Variants in CNTN6 observed in about 807,000 individuals in gnomAD.
CNTN6 encodes contactin 6.
In CNTN6, 137 loss-of-function variants were observed where a neutral mutation model predicts 122.8. The ratio of observed to expected loss-of-function variants is 1.12; its 90% CI spans 0.97 to 1.29. The LOEUF is 1.29. CNTN6 is among the 50% of genes most tolerant of loss of function. The pLI is 0.00. For missense variants in CNTN6, 1,634 were observed against 1,223.4 expected, an observed-to-expected ratio of 1.34 and a Z score of -5.01; for synonymous variants, 570 against 426.0, an observed-to-expected ratio of 1.34 and a Z score of -4.16.
At chr3:1,245,262 T>TA (rs1338560728) in intron 4 of CNTN6, among the ~76,000 whole-genome samples, 1 of 5,744 alleles carries the variant, frequency 1.7e-4, no homozygotes, top group African/African-American at 6.1e-4. Flanking sequence ...ATATAACATA[T>TA]ATATATATAT....
rs1168930119 is a variant in CNTN6, at chr3:1,181,089, A to G, written c.55+33026A>G. On this transcript the variant is annotated intron_variant, in intron 2 of 22. Transcript: ENST00000446702. ...AAAATTGTGAATTTCGGCAAAGGCA[A>G]CAGTCCCTGCCTAGTGTATGACCTT... Among the ~76,000 whole-genome samples, 10 of 152,284 alleles carry G rather than the reference A, an allele frequency of 6.6e-5. 1 individual carries two copies. The South Asian group carries it at 2.1e-3, about 32-fold the overall frequency.
chr3:1,342,767 T>C (rs554127680), intron 11 of CNTN6, among the ~76,000 whole-genome samples: 2 of 152,310 alleles, frequency 1.3e-5, no homozygotes, highest in South Asian at 2.1e-4. Flanking sequence ...GCTTGTATTA[T>C]ACCCTTTAGT....
At chr3:1,393,984 C>T (rs1340019990) in intron 20 of CNTN6, among the ~76,000 whole-genome samples, 3 of 152,008 alleles carry the variant, frequency 2.0e-5, no homozygotes, top group Non-Finnish European at 2.9e-5. Flanking sequence ...GAAGCACCTT[C>T]TTCCCTGCTA....
At chr3:1,249,932 G>GTTTTGTTTTTTTGTTGTT (rs2094637165) in intron 4 of CNTN6, among the ~76,000 whole-genome samples, 1 of 151,870 alleles carries the variant, frequency 6.6e-6, no homozygotes, top group East Asian at 1.9e-4. Context: ...TGTTGTTTCT[G>GTTTTGTTTTTTTGTTGTT]TTTTGTTTTT....
At chr3:1,313,461 T>C (rs976182937) in intron 7 of CNTN6, among the ~76,000 whole-genome samples, 1 of 152,166 alleles carries the variant, frequency 6.6e-6, no homozygotes, top group African/African-American at 2.4e-5. Context: ...GAATGTACTC[T>C]CATGGATATT....
At chr3:1,278,628 C>T in intron 5 of CNTN6, 120 bp downstream of exon 5, 2 of 599,512 alleles carry the variant, frequency 3.3e-6, no homozygotes, top group Non-Finnish European at 5.9e-6. Flanking sequence ...TGACTCTCGT[C>T]AAGTGCATCT....
intron 11 of CNTN6, among the ~76,000 whole-genome samples, chr3:1,340,087 A>G (rs988898597): frequency 6.6e-6 from 1 of 152,120 alleles, no homozygotes; most frequent in Admixed American, 6.6e-5. Context: ...AGATGAGTAA[A>G]ACTAAGGCTT....
At chr3:1,240,496 T>G (rs1164997874) in intron 4 of CNTN6, among the ~76,000 whole-genome samples, 1 of 152,122 alleles carries the variant, frequency 6.6e-6, no homozygotes, top group Non-Finnish European at 1.5e-5. Flanking sequence ...CCTGCAAGAA[T>G]TGCCATAATC....
At chr3:1,164,313 G>A (rs1338796078) in intron 2 of CNTN6, among the ~76,000 whole-genome samples, 1 of 152,256 alleles carries the variant, frequency 6.6e-6, no homozygotes, top group African/African-American at 2.4e-5. Flanking sequence ...TTCCTTGCAA[G>A]ATCTGACTTG....
At chr3:1,247,745 C>G (rs913388545) in intron 4 of CNTN6, among the ~76,000 whole-genome samples, 2 of 152,208 alleles carry the variant, frequency 1.3e-5, no homozygotes, top group African/African-American at 4.8e-5. Context: ...ATAGTCCCCT[C>G]ACAGACATGC....
intron 2 of CNTN6, 64 bp downstream of exon 2, chr3:1,148,127 G>A (rs1375236828): frequency 1.6e-6 from 2 of 1,275,560 alleles, no homozygotes; most frequent in Admixed American, 1.7e-5. Context: ...TTCTTTCTAT[G>A]GGTGAAGCAA....
intron 1 of CNTN6, among the ~76,000 whole-genome samples, chr3:1,098,483 G>A (rs1353242601): frequency 6.6e-6 from 1 of 151,248 alleles, no homozygotes; most frequent in East Asian, 1.9e-4. Context: ...TGAAATTATA[G>A]AGAAAACAAT....
intron 11 of CNTN6, among the ~76,000 whole-genome samples, chr3:1,338,490 A>G (rs115818280): frequency 0.011 from 1,606 of 152,234 alleles, 15 homozygotes; most frequent in Middle Eastern, 0.024. Context: ...ATATCTACTT[A>G]GATAGAAATG....
At chr3:1,318,317 A>AT (rs11328430) in intron 7 of CNTN6, among the ~76,000 whole-genome samples, 60 of 148,966 alleles carry the variant, frequency 4.0e-4, no homozygotes, top group Middle Eastern at 3.4e-3. Context: ...TCTACTACTA[A>AT]TTTTTTTTTT....
intron 1 of CNTN6, among the ~76,000 whole-genome samples, chr3:1,100,409 G>A (rs1039020304): frequency 3.0e-4 from 46 of 151,994 alleles, no homozygotes; most frequent in African/African-American, 9.9e-4. Flanking sequence ...ATAAATATTC[G>A]TCTTTTCACT....
chr3:1,289,517 T>G (rs1694918256), intron 5 of CNTN6, among the ~76,000 whole-genome samples: 1 of 152,136 alleles, frequency 6.6e-6, no homozygotes, highest in Admixed American at 6.6e-5. Flanking sequence ...GTTTTATGAA[T>G]GTATAAACTA....
At chr3:1,336,532 C>T (rs866223872) in intron 11 of CNTN6, among the ~76,000 whole-genome samples, 2 of 152,114 alleles carry the variant, frequency 1.3e-5, no homozygotes, top group Non-Finnish European at 1.5e-5. Context: ...GCTGGACTCT[C>T]TGGAAACCAA....
chr3:1,242,564 G>A (rs1385579917), intron 4 of CNTN6, among the ~76,000 whole-genome samples: 1 of 152,174 alleles, frequency 6.6e-6, no homozygotes, highest in Non-Finnish European at 1.5e-5. Context: ...GCGTTGAGCG[G>A]GGTAAGGGTG....
chr3:1,270,387 A>C (rs1365226520), intron 4 of CNTN6, among the ~76,000 whole-genome samples: 1 of 152,230 alleles, frequency 6.6e-6, no homozygotes, highest in African/African-American at 2.4e-5. Flanking sequence ...GATTCTTAAG[A>C]GTATTTTAAT....
Sources: gnomAD v4.1 joint callset for allele counts (sites outside exome capture counted in the v4.1 genomes callset) on GRCh38, gnomAD v4.1.1 for gene constraint, MANE v1.5 for transcripts, NCBI Gene and HGNC (gene_info 2026-07-23, HGNC 2026-07-21) for gene names.